Variants in NRXN1 observed in about 807,000 individuals in gnomAD.
NRXN1 encodes the protein neurexin 1, also known as neurexin-1.
A neutral mutation model predicts 150.9 loss-of-function variants in NRXN1; 39 were observed. The ratio of observed to expected loss-of-function variants is 0.26; its 90% CI spans 0.20 to 0.34. NRXN1 has a LOEUF of 0.34. Among genes scored for constraint, NRXN1 ranks in the 10% least tolerant of loss-of-function variants. The pLI is 1.00. For synonymous variants in NRXN1, 924 were observed against 757.0 expected (o/e 1.22, Z -3.62); for missense variants, 1,815 against 1,949.9 (o/e 0.93, Z 1.30).
At chr2:50,895,328 T>C (rs929302372) in intron 5 of NRXN1, among the ~76,000 whole-genome samples, 1 of 152,164 alleles carries the variant, frequency 6.6e-6, no homozygotes, top group Non-Finnish European at 1.5e-5. Context: ...TTGCTCTAAC[T>C]GACAAGTAAA....
At chr2:50,579,963 G>A (rs1672007624) in intron 8 of NRXN1, among the ~76,000 whole-genome samples, 1 of 152,158 alleles carries the variant, frequency 6.6e-6, no homozygotes, top group Admixed American at 6.6e-5. Flanking sequence ...CAAGCAGCAA[G>A]GAGATTTTTC....
At chr2:50,402,471 T>C (rs1437643086) in intron 17 of NRXN1, among the ~76,000 whole-genome samples, 1 of 151,936 alleles carries the variant, frequency 6.6e-6, no homozygotes, top group Non-Finnish European at 1.5e-5. Flanking sequence ...ACGGAATAAA[T>C]AGAATGTGGG....
At chr2:50,140,159 TG>T (rs1489143171) in intron 18 of NRXN1, among the ~76,000 whole-genome samples, 1 of 152,194 alleles carries the variant, frequency 6.6e-6, no homozygotes, top group East Asian at 1.9e-4. Context: ...AAGATTGCTT[TG>T]TCTCTTAGGA....
chr2:50,258,184 T>C (rs2067898908), intron 17 of NRXN1, among the ~76,000 whole-genome samples: 1 of 152,024 alleles, frequency 6.6e-6, no homozygotes. Context: ...ATCAAATGAC[T>C]CTACACAAAA....
intron 21 of NRXN1, among the ~76,000 whole-genome samples, chr2:50,004,764 C>A (rs1684492614): frequency 6.6e-6 from 1 of 152,116 alleles, no homozygotes; most frequent in Non-Finnish European, 1.5e-5. Context: ...ATGTTACGTG[C>A]AGAGCTTCTA....
chr2:50,858,643 T>C (rs571148693), intron 5 of NRXN1, among the ~76,000 whole-genome samples: 1 of 152,152 alleles, frequency 6.6e-6, no homozygotes, highest in Non-Finnish European at 1.5e-5. Flanking sequence ...CATTCTATTA[T>C]AACTTCAGTC....
In NRXN1 at chr2:50,015,516, CAAAAAAAAAAAAAAAAAAAA is replaced by C. The variant is rs34466037; in HGVS notation, c.4128+37735_4128+37754del. ...TAGAAAAATAAACAGGGATTTCTGC[CAAAAAAAAAAAAAAAAAAAA>C]AAAAAAAAGACCTGGGCTTGGGAGG... On this transcript the variant is annotated intron_variant, in intron 21 of 22. Coordinates refer to ENST00000401669, the MANE Select transcript of NRXN1 (RefSeq NM_001330078.2). Among the ~76,000 whole-genome samples the C allele has an allele frequency of 2.5e-3, 79 of 31,326 alleles. 1 individual carries two copies. The highest frequency in any genetic ancestry group is 0.01 in the East Asian group (11 of 1,096). The allele number at this position is 31,326 out of a possible 152,430, so 20.6% of individuals were successfully genotyped here. A position where few individuals can be genotyped will look rare whatever the true frequency, so the allele number is the denominator to read the frequency against.
At chr2:50,724,323 A>G (rs536491356) in intron 5 of NRXN1, among the ~76,000 whole-genome samples, 36 of 152,306 alleles carry the variant, frequency 2.4e-4, no homozygotes, top group African/African-American at 3.6e-4. Flanking sequence ...TTCATATGCA[A>G]TGAAGCCTGT....
At chr2:50,498,359 CTGT>C (rs1375266359) in intron 13 of NRXN1, among the ~76,000 whole-genome samples, 1 of 152,094 alleles carries the variant, frequency 6.6e-6, no homozygotes, top group African/African-American at 2.4e-5. Flanking sequence ...ATTAGAAATC[CTGT>C]TGATTTCTTC....
chr2:50,992,899 T>C (rs1397893004), intron 2 of NRXN1, among the ~76,000 whole-genome samples: 2 of 152,104 alleles, frequency 1.3e-5, no homozygotes, highest in East Asian at 3.9e-4. Context: ...TCTTTGGAAG[T>C]TACTGACAAG....
intron 5 of NRXN1, among the ~76,000 whole-genome samples, chr2:50,895,190 T>C (rs1681731535): frequency 6.6e-6 from 1 of 152,128 alleles, no homozygotes; most frequent in Non-Finnish European, 1.5e-5. Context: ...TAATTTATGA[T>C]CCTGAAAGAG....
intron 5 of NRXN1, among the ~76,000 whole-genome samples, chr2:50,841,907 T>C (rs1303713051): frequency 6.6e-6 from 1 of 152,192 alleles, no homozygotes; most frequent in African/African-American, 2.4e-5. Context: ...AATAAATTCT[T>C]TGTCATTTTT....
chr2:51,006,384 G>A (rs1396566200), intron 2 of NRXN1, among the ~76,000 whole-genome samples: 7 of 150,960 alleles, frequency 4.6e-5, no homozygotes, highest in East Asian at 2.0e-4. Context: ...ATCACATACC[G>A]GGGACTGTTG....
Position 50,685,633 on chromosome 2 carries a change from G to A in NRXN1, c.833-62018C>T, listed in dbSNP as rs190911034. On this transcript the variant is annotated intron_variant, in intron 5 of 22. Coordinates refer to ENST00000401669, the MANE Select transcript of NRXN1 (RefSeq NM_001330078.2). ...TGAGTATAGGATCCCTTAAGTTCAG[G>A]CACAAATAACTTCAGCAGTCTCTAG... 1.6e-3 allele frequency among the ~76,000 whole-genome samples: 244 copies of A among 151,942 alleles called. 3 individuals carry two copies. In the Middle Eastern group the frequency reaches 0.031, roughly 19 times the overall value.
chr2:50,694,314 G>C (rs1326211971), intron 5 of NRXN1, among the ~76,000 whole-genome samples: 1 of 152,110 alleles, frequency 6.6e-6, no homozygotes, highest in Non-Finnish European at 1.5e-5. Context: ...TACATATTCT[G>C]TCTGTTTGGG....
intron 18 of NRXN1, among the ~76,000 whole-genome samples, chr2:50,142,421 A>G (rs1029014310): frequency 6.6e-6 from 1 of 151,936 alleles, no homozygotes; most frequent in Non-Finnish European, 1.5e-5. Context: ...TATAGTTAAT[A>G]AAATTGCATT....
chr2:50,316,875 T>A (rs1210452211), intron 17 of NRXN1, among the ~76,000 whole-genome samples: 4 of 152,002 alleles, frequency 2.6e-5, no homozygotes, highest in African/African-American at 9.7e-5. Context: ...GCAGTTACTG[T>A]GGAGTACAGT....
intron 22 of NRXN1, among the ~76,000 whole-genome samples, chr2:49,929,875 G>T (rs925356745): frequency 1.3e-5 from 2 of 152,088 alleles, no homozygotes; most frequent in African/African-American, 4.8e-5. Flanking sequence ...ATATAGTGAG[G>T]CAGAGAGGCA....
intron 5 of NRXN1, among the ~76,000 whole-genome samples, chr2:50,664,434 T>TG (rs1687729923): frequency 6.9e-6 from 1 of 145,518 alleles, no homozygotes; most frequent in African/African-American, 2.6e-5. Context: ...TGTGTGTGTG[T>TG]GTGTGGCGTG....
Sources: allele counts gnomAD v4.1 joint callset (sites outside exome capture counted in the v4.1 genomes callset), GRCh38; gene constraint gnomAD v4.1.1; transcripts MANE v1.5; gene names NCBI Gene and HGNC (gene_info 2026-07-23, HGNC 2026-07-21).